Variants in MARF1 observed in about 807,000 individuals in gnomAD.
The protein encoded by MARF1 is limkain-b1.
Under a neutral mutation model 168.2 loss-of-function variants are expected in MARF1, and 24 were observed. That is an observed-to-expected ratio of 0.14 (90% confidence interval 0.10 to 0.20). The LOEUF is 0.20. Ranked by LOEUF, MARF1 falls within the 10% of genes least tolerant of loss-of-function variation. MARF1 has a pLI of 1.00. For missense variants in MARF1, 1,744 were observed against 2,143.6 expected (o/e 0.81, Z 3.68); for synonymous variants, 868 against 822.4 (o/e 1.06, Z -0.95).
intron 17 of MARF1, 25 bp from the exon 18 acceptor site, chr16:15,611,759 A>T: frequency 6.2e-7 from 1 of 1,611,452 alleles, no homozygotes; most frequent in Non-Finnish European, 8.5e-7. Context: ...GTTTATTTAT[A>T]CACATAAGAC....
chr16:15,639,165 A>G lies in MARF1; in HGVS notation c.69T>C (p.Asp23=), dbSNP rs1238969618. The G allele has an allele frequency of 1.9e-6, 3 of 1,614,208 alleles. No homozygotes were observed. The South Asian group carries it at 3.3e-5, about 18-fold the overall frequency. ...AGAATTTCCAAAGCCATGGCTTAGCATCATTATCTTGTTGAAGCCATCCAC... is the reference window on the plus strand; with the variant it reads ...AGAATTTCCAAAGCCATGGCTTAGCGTCATTATCTTGTTGAAGCCATCCAC... The part of the protein sequence containing the change: ...RTRGWLQQDN[D]AKPWLWKFSN... The change falls in exon 2 of 27, where the codon GAT becomes GAC. Residue 23 remains aspartate (D), a synonymous_variant. Coordinates refer to ENST00000396368, the MANE Select transcript of MARF1 (RefSeq NM_014647.4).
intron 7 of MARF1, among the ~76,000 whole-genome samples, chr16:15,627,551 G>A (rs1243957114): frequency 6.6e-6 from 1 of 152,210 alleles, no homozygotes; most frequent in South Asian, 2.1e-4. Flanking sequence ...CCGGCAGGTG[G>A]AGTCTGCAGT....
intron 1 of MARF1, chr16:15,642,550 AG>A (rs2036082043): frequency 6.6e-6 from 1 of 152,188 alleles, no homozygotes; most frequent in Admixed American, 6.5e-5. Context: ...GTGTATCACG[AG>A]GTCGCGTTAC....
At chr16:15,604,519 C>A (rs888348848) in intron 21 of MARF1, 121 bp from the exon 22 acceptor site, 13 of 666,522 alleles carry the variant, frequency 2.0e-5, no homozygotes, top group African/African-American at 3.6e-5. Flanking sequence ...TAATTTTTTT[C>A]TCTTACACTG....
chr16:15,621,977 G>T, intron 11 of MARF1, 66 bp from the exon 12 acceptor site: 2 of 1,466,882 alleles, frequency 1.4e-6, no homozygotes, highest in South Asian at 2.4e-5. Flanking sequence ...TAAAACTGAA[G>T]GTGAACCATG....
At chr16:15,631,222 C>T (rs2035232243) in intron 6 of MARF1, among the ~76,000 whole-genome samples, 159 bp downstream of exon 6, 1 of 152,126 alleles carries the variant, frequency 6.6e-6, no homozygotes, top group African/African-American at 2.4e-5. Flanking sequence ...CCACCTAGAC[C>T]CAATTTTTTT....
At chr16:15,620,381 T>C in intron 13 of MARF1, 70 bp downstream of exon 13, 1 of 864,960 alleles carries the variant, frequency 1.2e-6, no homozygotes, top group Non-Finnish European at 1.8e-6. Context: ...CAAGAGTCAT[T>C]ACCATGGTTT....
At position 15,623,062 on chromosome 16, in the gene MARF1, T is replaced by A; in HGVS notation, c.2332A>T (p.Ser778Cys). The A allele has an allele frequency of 1.9e-6, 3 of 1,610,968 alleles. No homozygotes were observed. The highest frequency in any genetic ancestry group is 2.5e-6 in the Non-Finnish European group (3 of 1,177,360). The change falls in exon 11 of 27, where the codon AGC (serine) becomes TGC (cysteine). Residue 778 changes from serine to cysteine, a missense_variant. Transcript: ENST00000396368. ...SPLAFNIANS[S>C]SEADCPDPFA... is the part of the protein sequence containing the mutation. The stretch of plus-strand genomic sequence containing the variant: ...GGGTCTGGGCAGTCGGCTTCGCTGC[T>A]CGAATTTGCAATGTTGAAAGCAAGC...
intron 4 of MARF1, 80 bp from the exon 5 acceptor site, chr16:15,633,923 A>G: frequency 8.4e-7 from 1 of 1,188,136 alleles, no homozygotes; most frequent in Non-Finnish European, 1.2e-6. Context: ...ACTACCTATC[A>G]TTCTCAGTGG....
intron 19 of MARF1, 92 bp from the exon 20 acceptor site, chr16:15,609,817 A>G: frequency 9.7e-7 from 1 of 1,032,248 alleles, no homozygotes; most frequent in Non-Finnish European, 1.4e-6. Flanking sequence ...TTGGGAATTT[A>G]TAAACGATAT....
intron 23 of MARF1, 89 bp from the exon 24 acceptor site, chr16:15,600,790 G>T: frequency 7.4e-7 from 1 of 1,360,004 alleles, no homozygotes. Flanking sequence ...TACGGAGCCT[G>T]CCTTAGGCTA....
chr16:15,612,578 T>G lies in MARF1; in HGVS notation c.3453A>C (p.Glu1151Asp), dbSNP rs200181892. 1.2e-6 allele frequency: 2 copies of G among 1,614,180 alleles called. No individual in the cohort carries two copies. Among genetic ancestry groups the G allele is most frequent in the East Asian group, 4.5e-5 (2 of 44,890 alleles). Residue 1151 changes from glutamate (E) to aspartate (D), a missense_variant, in exon 17 of 27, where the codon GAA becomes GAC. Glu to Asp is a conservative substitution (Grantham distance 45). Transcript: ENST00000396368. The stretch of plus-strand genomic sequence containing the variant: ...TTACCTGCAATACATGAGGCACTGC[T>G]TCTAATAACTCAATCAGCTTGGAGT... Reference protein sequence around the residue: ...YGYSKLIELLEAVPHVLQILG... With the variant: ...YGYSKLIELLDAVPHVLQILG...
At position 15,625,052 on chromosome 16, in the gene MARF1, G is replaced by C. The variant is rs746361808; in HGVS notation, c.2075C>G (p.Ser692Trp). 5.0e-6 allele frequency: 8 copies of C among 1,614,006 alleles called. No homozygotes were observed. The highest frequency in any genetic ancestry group is 5.9e-6 in the Non-Finnish European group (7 of 1,180,036). Residue 692 changes from serine to tryptophan, a missense_variant, in exon 9 of 27, where the codon TCG becomes TGG. Coordinates refer to ENST00000396368, the MANE Select transcript of MARF1 (RefSeq NM_014647.4). ...SSAAVSTPKN[S>W]GVAEPVYKTS... Reference sequence around the variant, plus strand: ...TTTGTAAACGGGTTCTGCCACCCCCGAGTTTTTCGGCGTCGACACTGCAGC... The same window carrying C: ...TTTGTAAACGGGTTCTGCCACCCCCCAGTTTTTCGGCGTCGACACTGCAGC...
chr16:15,631,518 G>A lies in MARF1; in HGVS notation c.1234-20C>T. On this transcript the variant is annotated intron_variant, in intron 5 of 26. Coordinates refer to ENST00000396368, the MANE Select transcript of MARF1 (RefSeq NM_014647.4). ...GGTTACCTGCATTAATTTATAATAA[G>A]GGTGAATAAGCAGGAGCTGAGGCTA... 1.5e-5 allele frequency: 23 copies of A among 1,541,432 alleles called. No individual in the cohort carries two copies. Among genetic ancestry groups the A allele is most frequent in the Non-Finnish European group, 2.0e-5 (22 of 1,116,972 alleles).
At position 15,624,825 on chromosome 16, in the gene MARF1, C is replaced by CAACCCG; in HGVS notation, c.2213_2214insCGGGTT (p.Lys738delinsAsnGlyLeu). 3 of 1,614,230 alleles carry CAACCCG rather than the reference C, an allele frequency of 1.9e-6. No homozygotes were observed. The highest frequency in any genetic ancestry group is 2.5e-6 in the Non-Finnish European group (3 of 1,180,040). On this transcript the variant is annotated protein_altering_variant, in exon 10 of 27. Coordinates refer to ENST00000396368, the MANE Select transcript of MARF1 (RefSeq NM_014647.4). The stretch of plus-strand genomic sequence containing the variant: ...GACTGACTTGCCTGGATGCAACTAA[C>CAACCCG]TTGCTAAAAGCAGACGGGTAACTCA...
In MARF1 at chr16:15,625,514, G is replaced by A; in HGVS notation, c.1811C>T (p.Ser604Phe). 2 of 1,614,202 alleles carry A rather than the reference G, an allele frequency of 1.2e-6. No homozygotes were observed. Among genetic ancestry groups the A allele is most frequent in the Non-Finnish European group, 1.7e-6 (2 of 1,180,034 alleles). Residue 604 changes from serine (S) to phenylalanine (F), a missense_variant, in exon 8 of 27, where the codon TCT becomes TTT. By Grantham distance (155) the Ser-to-Phe change is radical (BLOSUM62 -2). Transcript: ENST00000396368. ...SSNAIADKVK[S>F]PKKLKNPKLC... is the part of the protein sequence containing the mutation. ...TTTTGGATTCTTAAGTTTTTTGGGA[G>A]ACTTCACTTTATCAGCAATTGCATT...
chr16:15,634,252 G>A (rs551936937), intron 4 of MARF1, among the ~76,000 whole-genome samples: 1 of 152,328 alleles, frequency 6.6e-6, no homozygotes, highest in East Asian at 1.9e-4. Flanking sequence ...CTGAGGAGCT[G>A]ACAAAGGGTG....
At position 15,612,666 on chromosome 16, in the gene MARF1, C is replaced by A. The variant is rs748591361; in HGVS notation, c.3365G>T (p.Ser1122Ile). ...ATGGTGATAGGATGGGATGAAATGACTGATGGGTATGACACAAGATGGCTG... is the reference window on the plus strand; with the variant it reads ...ATGGTGATAGGATGGGATGAAATGAATGATGGGTATGACACAAGATGGCTG... ...KSQPSCVIPI[S>I]HFIPSYHHHF... Residue 1122 changes from serine to isoleucine, a missense_variant, in exon 17 of 27, where the codon AGT (serine) becomes ATT (isoleucine). Transcript: ENST00000396368. The A allele has an allele frequency of 1.2e-6, 2 of 1,614,158 alleles. No individual in the cohort carries two copies. The highest frequency in any genetic ancestry group is 1.7e-6 in the Non-Finnish European group (2 of 1,180,022).
In MARF1 at chr16:15,634,836, A is replaced by G. The variant is rs752093466; in HGVS notation, c.927T>C (p.Asn309=). The G allele has an allele frequency of 6.2e-7, 1 of 1,614,142 alleles. No homozygotes were observed. Among genetic ancestry groups the G allele is most frequent in the East Asian group, 2.2e-5 (1 of 44,886 alleles). The change falls in exon 4 of 27, where the codon AAT becomes AAC. Residue 309 remains asparagine, a synonymous_variant. Transcript: ENST00000396368. ...QPAPLAVPLC[N]GCGTKGTGKE... is the part of the protein sequence containing the mutation. ...TCCCTGTTCCTTTGGTTCCACAGCC[A>G]TTACACAGAGGGACAGCAAGAGGTG...
Sources: gnomAD v4.1 joint callset for allele counts (sites outside exome capture counted in the v4.1 genomes callset) on GRCh38, gnomAD v4.1.1 for gene constraint, MANE v1.5 for transcripts, NCBI Gene and HGNC (gene_info 2026-07-23, HGNC 2026-07-21) for gene names.